TMTC2: variants seen among roughly 807,000 people sequenced by gnomAD.
TMTC2 encodes the protein protein O-mannosyl-transferase TMTC2.
TMTC2 carries 43 observed loss-of-function variants against 82.4 expected under a neutral mutation model. The observed-to-expected ratio is 0.52, with a 90% confidence interval of 0.41 to 0.67. The LOEUF (loss-of-function observed/expected upper bound fraction) is 0.67, where lower values mean the gene tolerates loss of function less well. TMTC2 is among the 30% of genes least tolerant of loss of function. The probability of loss-of-function intolerance (pLI) is 0.00; values close to 1 mark genes in which losing one functional copy is unlikely to be tolerated. For missense variants in TMTC2, 919 were observed against 1,012.4 expected, an observed-to-expected ratio of 0.91 and a Z score of 1.25; for synonymous variants, 408 against 381.9, an observed-to-expected ratio of 1.07 and a Z score of -0.80.
intron 11 of TMTC2, among the ~76,000 whole-genome samples, chr12:83,126,700 A>G (rs1045386526): frequency 7.2e-5 from 11 of 152,088 alleles, no homozygotes; most frequent in African/African-American, 2.2e-4. Flanking sequence ...AATCCAAGAT[A>G]ATTTATATAG....
chr12:82,879,387 CGCATAAGGA>C (rs1406619010), intron 2 of TMTC2, among the ~76,000 whole-genome samples: 1 of 152,180 alleles, frequency 6.6e-6, no homozygotes, highest in African/African-American at 2.4e-5. Flanking sequence ...GCATTAGATT[CGCATAAGGA>C]GCACACAACC....
At chr12:82,802,308 T>G (rs546053432) in intron 1 of TMTC2, among the ~76,000 whole-genome samples, 1 of 152,308 alleles carries the variant, frequency 6.6e-6, no homozygotes, top group South Asian at 2.1e-4. Context: ...TGCGCAGCCC[T>G]TGTTCCTGCC....
chr12:82,696,960 A>T (rs1385463535), intron 1 of TMTC2, among the ~76,000 whole-genome samples: 1 of 147,546 alleles, frequency 6.8e-6, no homozygotes, highest in South Asian at 2.2e-4. Context: ...ACATACATAC[A>T]TACGTATATA....
intron 1 of TMTC2, among the ~76,000 whole-genome samples, chr12:82,756,767 C>T (rs771384489): frequency 3.3e-5 from 5 of 151,960 alleles, no homozygotes; most frequent in Non-Finnish European, 7.4e-5. Flanking sequence ...AGACATCCAC[C>T]CTGTACTGCA....
At chr12:83,110,844 T>C (rs1472170370) in intron 11 of TMTC2, among the ~76,000 whole-genome samples, 1 of 152,222 alleles carries the variant, frequency 6.6e-6, no homozygotes, top group Admixed American at 6.5e-5. Flanking sequence ...TTAAAGGACA[T>C]TGAGACACTG....
intron 1 of TMTC2, among the ~76,000 whole-genome samples, chr12:82,849,244 G>T (rs2137103276): frequency 6.6e-6 from 1 of 152,214 alleles, no homozygotes; most frequent in Middle Eastern, 3.4e-3. Flanking sequence ...AACAATATTT[G>T]TTGCATGCCT....
chr12:82,743,446 CAAAA>C (rs370208896), intron 1 of TMTC2, among the ~76,000 whole-genome samples: 1 of 83,790 alleles, frequency 1.2e-5, no homozygotes, highest in Non-Finnish European at 2.4e-5. Flanking sequence ...GACTCCGTCT[CAAAA>C]AAAAAAAAAA....
At chr12:83,033,954 C>T (rs1881560365) in intron 9 of TMTC2, among the ~76,000 whole-genome samples, 1 of 145,410 alleles carries the variant, frequency 6.9e-6, no homozygotes, top group Non-Finnish European at 1.5e-5. Flanking sequence ...TGGGGGTTTG[C>T]TTTTTTTTTC....
At chr12:82,969,510 C>A (rs991039309) in intron 7 of TMTC2, among the ~76,000 whole-genome samples, 2 of 151,998 alleles carry the variant, frequency 1.3e-5, no homozygotes, top group Non-Finnish European at 2.9e-5. Flanking sequence ...GTACTAAATT[C>A]ACTGCAGTTG....
chr12:82,784,233 A>G (rs1406225259), intron 1 of TMTC2, among the ~76,000 whole-genome samples: 1 of 152,058 alleles, frequency 6.6e-6, no homozygotes, highest in Non-Finnish European at 1.5e-5. Context: ...GAAGTTCCAG[A>G]TATTTTTCCC....
At chr12:82,903,450 C>T (rs1245686860) in intron 3 of TMTC2, among the ~76,000 whole-genome samples, 1 of 151,930 alleles carries the variant, frequency 6.6e-6, no homozygotes, top group Non-Finnish European at 1.5e-5. Flanking sequence ...CTCGCTCTGT[C>T]GCCCAGGCTG....
chr12:82,953,840 G>GA (rs11284711), intron 4 of TMTC2, among the ~76,000 whole-genome samples: 4 of 147,886 alleles, frequency 2.7e-5, no homozygotes, highest in African/African-American at 4.9e-5. Context: ...TTATCTCTGA[G>GA]AAAAAAAAAA....
rs77280461 is a variant in TMTC2 at position 83,042,466 on chromosome 12, C to T, written c.2153-8438C>T. ...TAAAACCCTGAAGATAGTTTGAAGC[C>T]CATCATGAACTTACTTTCTCTTTTG... On this transcript the variant is annotated intron_variant, in intron 9 of 11. Transcript: ENST00000321196. 8.8e-3 allele frequency among the ~76,000 whole-genome samples: 1,346 copies of T among 152,260 alleles called. 28 individuals are homozygous for T. The highest frequency in any genetic ancestry group is 0.031 in the African/African-American group (1,289 of 41,542).
intron 11 of TMTC2, among the ~76,000 whole-genome samples, chr12:83,094,312 G>C (rs2137523909): frequency 6.6e-6 from 1 of 152,310 alleles, no homozygotes; most frequent in Admixed American, 6.5e-5. Context: ...AGCAATACCT[G>C]CTCTGGGGAG....
intron 4 of TMTC2, among the ~76,000 whole-genome samples, chr12:82,945,628 CAGA>C (rs1876952051): frequency 6.6e-6 from 1 of 152,150 alleles, no homozygotes; most frequent in African/African-American, 2.4e-5. Context: ...TCAATTTTCT[CAGA>C]AGGAGGTTTT....
At chr12:82,982,188 C>T (rs768147714) in intron 7 of TMTC2, among the ~76,000 whole-genome samples, 14 of 151,652 alleles carry the variant, frequency 9.2e-5, no homozygotes, top group African/African-American at 2.2e-4. Context: ...CAGCTTGATG[C>T]GATGGGAAGC....
At chr12:82,854,428 C>A (rs2137111503) in intron 1 of TMTC2, among the ~76,000 whole-genome samples, 1 of 152,210 alleles carries the variant, frequency 6.6e-6, no homozygotes, top group East Asian at 1.9e-4. Flanking sequence ...GGAACTCCAA[C>A]CATTACATAT....
At position 83,009,712 on chromosome 12, in the gene TMTC2, A is replaced by G. The variant is rs866634696; in HGVS notation, c.2071-21086A>G. Reference sequence around the variant, plus strand: ...TTGAGACACTTTCAACCCCTCTTATAGTACTTACTCTAGGTTGTCTAATAT... The same window carrying G: ...TTGAGACACTTTCAACCCCTCTTATGGTACTTACTCTAGGTTGTCTAATAT... On this transcript the variant is annotated intron_variant, in intron 8 of 11. Coordinates refer to ENST00000321196, the MANE Select transcript of TMTC2 (RefSeq NM_152588.3). 1.6e-4 allele frequency among the ~76,000 whole-genome samples: 24 copies of G among 152,214 alleles called. 1 individual carries two copies. In the Middle Eastern group the frequency reaches 0.014, roughly 86 times the overall value.
intron 1 of TMTC2, among the ~76,000 whole-genome samples, chr12:82,700,722 A>G (rs538717455): frequency 1.3e-5 from 2 of 152,340 alleles, no homozygotes; most frequent in Non-Finnish European, 2.9e-5. Flanking sequence ...ATTCTTTACC[A>G]TGATTGACTT....
Sources: allele counts gnomAD v4.1 joint callset (sites outside exome capture counted in the v4.1 genomes callset), GRCh38; gene constraint gnomAD v4.1.1; transcripts MANE v1.5; gene names NCBI Gene and HGNC (gene_info 2026-07-23, HGNC 2026-07-21).